Variants in ADGRB3 observed in about 807,000 individuals in gnomAD.
ADGRB3 encodes the protein brain-specific angiogenesis inhibitor 3.
A neutral mutation model predicts 193.4 loss-of-function variants in ADGRB3; 37 were observed. The ratio of observed to expected loss-of-function variants is 0.19; its 90% CI spans 0.15 to 0.25. ADGRB3 has a LOEUF of 0.25. Ranked by LOEUF, ADGRB3 falls within the 10% of genes least tolerant of loss-of-function variation. The probability of loss-of-function intolerance (pLI) is 1.00; values close to 1 mark genes in which losing one functional copy is unlikely to be tolerated. For synonymous variants in ADGRB3, 690 were observed against 644.2 expected, an observed-to-expected ratio of 1.07 and a Z score of -1.08; for missense variants, 1,637 against 1,852.9, an observed-to-expected ratio of 0.88 and a Z score of 2.14.
chr6:68,930,821 A>G, intron 4 of ADGRB3, 152 bp downstream of exon 4: 2 of 605,178 alleles, frequency 3.3e-6, no homozygotes, highest in Non-Finnish European at 5.7e-6. Flanking sequence ...CCATAAATAA[A>G]GTAGCTGTGA....
At chr6:68,880,069 A>G (rs73747818) in intron 3 of ADGRB3, among the ~76,000 whole-genome samples, 1,602 of 152,290 alleles carry the variant, frequency 0.011, 27 homozygotes, top group African/African-American at 0.036. Context: ...ATAGCGAGAC[A>G]TGGTCAGATT....
chr6:69,255,036 C>T (rs1484950769), intron 20 of ADGRB3, among the ~76,000 whole-genome samples: 1 of 151,428 alleles, frequency 6.6e-6, no homozygotes, highest in Admixed American at 6.6e-5. Flanking sequence ...AGGACATGAA[C>T]TCATCATTTT....
chr6:69,331,787 G>A (rs1768736253), intron 23 of ADGRB3: 1 of 985,158 alleles, frequency 1.0e-6, no homozygotes, highest in Non-Finnish European at 1.2e-6. Flanking sequence ...GGTCTTTGGA[G>A]GGGTGACAAA....
intron 3 of ADGRB3, among the ~76,000 whole-genome samples, chr6:68,676,786 A>G (rs1769102940): frequency 6.6e-6 from 1 of 152,210 alleles, no homozygotes; most frequent in Admixed American, 6.5e-5. Flanking sequence ...TTATGTGCAT[A>G]TAACAGGACT....
At chr6:68,931,919 TC>T (rs532905378) in intron 4 of ADGRB3, among the ~76,000 whole-genome samples, 197 of 152,318 alleles carry the variant, frequency 1.3e-3, no homozygotes, top group African/African-American at 4.6e-3. Context: ...CTTATCTGGA[TC>T]CCTTTTTGTG....
At chr6:69,009,409 A>G (rs1248016057) in intron 11 of ADGRB3, among the ~76,000 whole-genome samples, 4 of 152,160 alleles carry the variant, frequency 2.6e-5, no homozygotes, top group Admixed American at 2.0e-4. Context: ...CAGAAAGAAT[A>G]GCAGTCCAAG....
chr6:68,672,345 G>A (rs1321377431), intron 3 of ADGRB3, among the ~76,000 whole-genome samples: 3 of 151,360 alleles, frequency 2.0e-5, no homozygotes, highest in East Asian at 3.9e-4. Flanking sequence ...TTTTTTTAAT[G>A]CATCACTAAC....
intron 3 of ADGRB3, among the ~76,000 whole-genome samples, chr6:68,841,643 A>T (rs2127387555): frequency 6.6e-6 from 1 of 152,280 alleles, no homozygotes; most frequent in South Asian, 2.1e-4. Flanking sequence ...CTGAGTGCCT[A>T]CATCAAAAAA....
At chr6:68,894,424 T>C (rs1192595981) in intron 3 of ADGRB3, among the ~76,000 whole-genome samples, 3 of 152,086 alleles carry the variant, frequency 2.0e-5, no homozygotes, top group African/African-American at 7.2e-5. Context: ...AGTTACAAGG[T>C]ATATGTCAAT....
At chr6:69,310,449 A>C (rs1178066716) in intron 20 of ADGRB3, among the ~76,000 whole-genome samples, 5 of 151,754 alleles carry the variant, frequency 3.3e-5, no homozygotes, top group African/African-American at 4.8e-5. Flanking sequence ...ACTTTATGGT[A>C]GTCCCTTTTA....
In ADGRB3 at chr6:68,930,571, T is replaced by C; in HGVS notation, c.770T>C (p.Met257Thr). The C allele has an allele frequency of 4.3e-6, 7 of 1,610,524 alleles. No homozygotes were observed. The highest frequency in any genetic ancestry group is 5.1e-6 in the Non-Finnish European group (6 of 1,177,812). ...ATTCTGTCTTTAGAATTTGGAATGA[T>C]GGGAGATCATACAATTAAAAGTCAG... is the stretch of plus-strand genomic sequence containing the variant. ...KRPPKEEFGM[M>T]GDHTIKSQRP... The change falls in exon 4 of 32, where the codon ATG becomes ACG. Residue 257 changes from methionine (M) to threonine (T), a missense_variant. Transcript: ENST00000370598.
At chr6:68,683,339 A>ACTT (rs1764928698) in intron 3 of ADGRB3, among the ~76,000 whole-genome samples, 1 of 152,116 alleles carries the variant, frequency 6.6e-6, no homozygotes, top group Non-Finnish European at 1.5e-5. Context: ...ACATCTGGCA[A>ACTT]TAATTAAATT....
At chr6:68,881,029 A>G (rs1330789434) in intron 3 of ADGRB3, among the ~76,000 whole-genome samples, 3 of 152,152 alleles carry the variant, frequency 2.0e-5, no homozygotes, top group African/African-American at 7.2e-5. Context: ...GTTGGAAACT[A>G]TGATTAGAAA....
At chr6:68,889,888 T>G (rs1342206892) in intron 3 of ADGRB3, among the ~76,000 whole-genome samples, 1 of 152,204 alleles carries the variant, frequency 6.6e-6, no homozygotes, top group Non-Finnish European at 1.5e-5. Context: ...AATTGTGAAG[T>G]ACAACTTTCA....
chr6:68,951,495 A>G (rs1262506013), intron 6 of ADGRB3, among the ~76,000 whole-genome samples: 1 of 152,156 alleles, frequency 6.6e-6, no homozygotes, highest in East Asian at 1.9e-4. Flanking sequence ...ACATGTTCAT[A>G]AGAGCAGAGC....
In ADGRB3 at chr6:69,382,840, C is replaced by T; in HGVS notation, c.4285C>T (p.His1429Tyr). ...YSDLDFEKVMHTRKRHMELFQ... is the reference protein window; with the variant it reads ...YSDLDFEKVMYTRKRHMELFQ... ...TTGTTCTTTTTTGCAGAAGGTCATG[C>T]ATACAAGGAAGAGGCATATGGAACT... is the stretch of plus-strand genomic sequence containing the variant. Residue 1429 changes from histidine (H) to tyrosine (Y), a missense_variant, in exon 31 of 32, where the codon CAT (histidine) becomes TAT (tyrosine). Coordinates refer to ENST00000370598, the MANE Select transcript of ADGRB3 (RefSeq NM_001704.3). 6.2e-7 allele frequency: 1 copy of T among 1,603,740 alleles called. No homozygotes were observed. The highest frequency in any genetic ancestry group is 8.5e-7 in the Non-Finnish European group (1 of 1,174,726).
intron 11 of ADGRB3, among the ~76,000 whole-genome samples, chr6:68,997,518 T>C (rs868850340): frequency 3.4e-5 from 5 of 145,392 alleles, no homozygotes; most frequent in Non-Finnish European, 6.0e-5. Flanking sequence ...AAGCAGTGCA[T>C]GGTAGTGCAT....
intron 6 of ADGRB3, among the ~76,000 whole-genome samples, chr6:68,948,151 C>G (rs1320885286): frequency 1.3e-5 from 2 of 152,140 alleles, no homozygotes. Flanking sequence ...ATAGCAGTCA[C>G]TATATTAGCT....
intron 3 of ADGRB3, among the ~76,000 whole-genome samples, chr6:68,911,811 A>C (rs923379219): frequency 7.0e-6 from 1 of 142,718 alleles, no homozygotes; most frequent in African/African-American, 2.6e-5. Flanking sequence ...TTGGAAAATT[A>C]CTTTTTTTTT....
Sources: allele counts gnomAD v4.1 joint callset (sites outside exome capture counted in the v4.1 genomes callset), GRCh38; gene constraint gnomAD v4.1.1; transcripts MANE v1.5; gene names NCBI Gene and HGNC (gene_info 2026-07-23, HGNC 2026-07-21).